The following COL24A1 variants were observed in gnomAD, a reference collection of about 807,000 sequenced individuals.
COL24A1 encodes the protein collagen type XXIV alpha 1 chain.
COL24A1 carries 224 observed loss-of-function variants against 253.9 expected under a neutral mutation model. The ratio of observed to expected loss-of-function variants is 0.88; its 90% CI spans 0.79 to 0.99. The LOEUF is 0.99. Among genes scored for constraint, COL24A1 ranks in the 50% least tolerant of loss-of-function variants. The probability of loss-of-function intolerance (pLI) is 0.00; values close to 1 mark genes in which losing one functional copy is unlikely to be tolerated. For missense variants in COL24A1, 2,131 were observed against 2,068.5 expected (o/e 1.03, Z -0.59); for synonymous variants, 685 against 673.7 (o/e 1.02, Z -0.26).
chr1:86,147,293 G>A (rs910767224), intron 1 of COL24A1, among the ~76,000 whole-genome samples: 4 of 152,060 alleles, frequency 2.6e-5, no homozygotes, highest in South Asian at 2.1e-4. Flanking sequence ...TATATAATTC[G>A]ACTATTTATA....
chr1:85,900,474 A>C (rs1558583890), intron 28 of COL24A1, among the ~76,000 whole-genome samples: 1 of 152,016 alleles, frequency 6.6e-6, no homozygotes. Context: ...CCCTGTCTCT[A>C]CAAAAAATTT....
intron 1 of COL24A1, among the ~76,000 whole-genome samples, chr1:86,152,299 G>A (rs1489031580): frequency 6.6e-6 from 1 of 152,124 alleles, no homozygotes; most frequent in African/African-American, 2.4e-5. Flanking sequence ...AAATCTGAAA[G>A]GTTTTGAGGG....
intron 19 of COL24A1, among the ~76,000 whole-genome samples, chr1:85,997,037 A>ATGTGTGTGTGTGTGTG (rs1215662939): frequency 1.6e-5 from 1 of 61,570 alleles, no homozygotes; most frequent in Non-Finnish European, 3.2e-5. Context: ...GTATATATAT[A>ATGTGTGTGTGTGTGTG]TATATGTGTG....
At position 86,125,599 on chromosome 1, in the gene COL24A1, T is replaced by G; in HGVS notation, c.737A>C (p.Asp246Ala). 1 of 1,613,434 alleles carries G rather than the reference T, an allele frequency of 6.2e-7. No homozygotes were observed. Among genetic ancestry groups the G allele is most frequent in the Non-Finnish European group, 8.5e-7 (1 of 1,179,668 alleles). The stretch of plus-strand genomic sequence containing the variant: ...AATGCTTGTTTCAGGTTGGTATTTG[T>G]CTGCTTGGCGACACTGCTGTTTCAC... ...RYVKQQCRQA[D>A]KYQPETSIPC... is the part of the protein sequence containing the mutation. The change falls in exon 3 of 60, where the codon GAC (aspartate) becomes GCC (alanine). Residue 246 changes from aspartate to alanine, a missense_variant. Physicochemically the swap from Asp to Ala is moderately radical, Grantham distance 126. Coordinates refer to ENST00000370571, the MANE Select transcript of COL24A1 (RefSeq NM_152890.7).
At chr1:85,875,382 A>C in intron 33 of COL24A1, 52 bp from the exon 34 acceptor site, 1 of 1,441,456 alleles carries the variant, frequency 6.9e-7, no homozygotes, top group Admixed American at 1.7e-5. Flanking sequence ...TCTCATGAGA[A>C]GATGGTGGTA....
chr1:85,844,232 T>A (rs1004988336), intron 39 of COL24A1, among the ~76,000 whole-genome samples: 1 of 152,054 alleles, frequency 6.6e-6, no homozygotes, highest in Non-Finnish European at 1.5e-5. Flanking sequence ...ATAGGTCACA[T>A]CCTCTGGCTA....
chr1:86,037,831 G>A (rs1014356702), intron 12 of COL24A1, among the ~76,000 whole-genome samples: 5 of 152,024 alleles, frequency 3.3e-5, no homozygotes, highest in Admixed American at 1.3e-4. Context: ...AATATATAAT[G>A]TCTTATTTCC....
chr1:85,874,750 T>C (rs748576506), intron 34 of COL24A1, 48 bp from the exon 35 acceptor site: 51 of 1,589,690 alleles, frequency 3.2e-5, no homozygotes, highest in Non-Finnish European at 4.2e-5. Flanking sequence ...TAAGACTGCA[T>C]GGCTAATTAT....
chr1:85,826,200 G>A (rs1048366070), intron 43 of COL24A1, among the ~76,000 whole-genome samples: 3 of 140,784 alleles, frequency 2.1e-5, no homozygotes, highest in African/African-American at 5.1e-5. Flanking sequence ...CCCATTGCTT[G>A]TTTTTCTCAG....
intron 5 of COL24A1, among the ~76,000 whole-genome samples, chr1:86,111,512 G>A (rs1038913559): frequency 8.0e-6 from 1 of 125,784 alleles, no homozygotes; most frequent in Non-Finnish European, 1.8e-5. Flanking sequence ...ACACCAATCA[G>A]CACCCTGTCA....
rs1337636504 is a variant in COL24A1 at position 86,023,004 on chromosome 1, T to C, written c.2053A>G (p.Ser685Gly). 6.2e-6 allele frequency: 10 copies of C among 1,612,300 alleles called. No individual in the cohort carries two copies. The Admixed American group carries it at 1.2e-4, about 19-fold the overall frequency. ...CCAATTGGTCCCACAGGGCCAACAC[T>C]GCCCTGGAAAACAGTAAGAAAGAAA... ...GPPGFPGLRG[S>G]VGPVGPIGPA... The change falls in exon 15 of 60, where the codon AGT (serine) becomes GGT (glycine). Residue 685 changes from serine (S) to glycine (G), a missense_variant. Ser to Gly is a moderately conservative substitution (Grantham distance 56). Transcript: ENST00000370571.
intron 7 of COL24A1, among the ~76,000 whole-genome samples, chr1:86,069,076 G>A (rs1701687315): frequency 6.6e-6 from 1 of 152,098 alleles, no homozygotes; most frequent in Non-Finnish European, 1.5e-5. Context: ...GACTCCTTTT[G>A]TTTGAGAAAA....
intron 24 of COL24A1, among the ~76,000 whole-genome samples, chr1:85,943,250 A>G (rs949887994): frequency 2.0e-5 from 3 of 152,172 alleles, no homozygotes; most frequent in Non-Finnish European, 4.4e-5. Context: ...ATTGGCTTCC[A>G]TGGTCCTGAG....
rs967190455 is a variant in COL24A1, at chr1:85,894,904, A to G, written c.2922+954T>C. Among the ~76,000 whole-genome samples, 4 of 152,306 alleles carry G rather than the reference A, an allele frequency of 2.6e-5. No homozygotes were observed. The East Asian group carries it at 7.7e-4, about 29-fold the overall frequency. On this transcript the variant is annotated intron_variant, in intron 31 of 59. Transcript: ENST00000370571. ...ACAAGCAAATGCAGTGACATTTACT[A>G]CATAGACAATTATTAATACTGTAGC... is the stretch of plus-strand genomic sequence containing the variant.
intron 19 of COL24A1, among the ~76,000 whole-genome samples, chr1:85,993,940 C>CA (rs1694530600): frequency 6.6e-6 from 1 of 151,894 alleles, no homozygotes; most frequent in African/African-American, 2.4e-5. Flanking sequence ...AGCTTTAAAA[C>CA]AAATTACATA....
intron 7 of COL24A1, among the ~76,000 whole-genome samples, chr1:86,079,679 G>A (rs546946952): frequency 3.9e-5 from 6 of 152,128 alleles, no homozygotes; most frequent in East Asian, 1.9e-4. Flanking sequence ...TGGTAAACAG[G>A]CATATAAAAA....
intron 19 of COL24A1, among the ~76,000 whole-genome samples, chr1:85,989,940 T>C (rs1184937177): frequency 6.6e-6 from 1 of 152,170 alleles, no homozygotes; most frequent in African/African-American, 2.4e-5. Flanking sequence ...TCCTATAAGG[T>C]CCCTTAATGT....
At chr1:85,965,169 A>G (rs1691441569) in intron 22 of COL24A1, 107 bp from the exon 23 acceptor site, 1 of 809,628 alleles carries the variant, frequency 1.2e-6, no homozygotes, top group African/African-American at 1.8e-5. Flanking sequence ...AAATTTAAAT[A>G]CTTTAAAATT....
chr1:86,043,967 C>A (rs1699704273), intron 12 of COL24A1, among the ~76,000 whole-genome samples: 3 of 152,200 alleles, frequency 2.0e-5, no homozygotes, highest in Admixed American at 2.0e-4. Flanking sequence ...AGGTGTCATC[C>A]ATCTACTTCA....
Sources: allele counts gnomAD v4.1 joint callset (sites outside exome capture counted in the v4.1 genomes callset), GRCh38; gene constraint gnomAD v4.1.1; transcripts MANE v1.5; gene names NCBI Gene and HGNC (gene_info 2026-07-23, HGNC 2026-07-21).